Variants in AFF2 observed in about 807,000 individuals in gnomAD.
AFF2 encodes the protein AF4/FMR2 family member 2.
In AFF2, 14 loss-of-function variants were observed where a neutral mutation model predicts 76.9. The ratio of observed to expected loss-of-function variants is 0.18; its 90% CI spans 0.12 to 0.28. The LOEUF (loss-of-function observed/expected upper bound fraction) is 0.28, where lower values mean the gene tolerates loss of function less well. Among genes scored for constraint, AFF2 ranks in the 10% least tolerant of loss-of-function variants. AFF2 has a pLI of 1.00. For missense variants in AFF2, 868 were observed against 1,001.1 expected (o/e 0.87, Z 1.79); for synonymous variants, 398 against 366.7 (o/e 1.09, Z -0.98).
intron 3 of AFF2, among the ~76,000 whole-genome samples, chrX:148,752,267 A>G (rs1165761668): frequency 8.9e-6 from 1 of 111,943 alleles, no homozygotes; most frequent in Non-Finnish European, 1.9e-5. Context: ...AACAGAGCAA[A>G]CAAGTTATAA....
chrX:148,902,491 T>G (rs1417035664), intron 8 of AFF2, among the ~76,000 whole-genome samples: 1 of 111,845 alleles, frequency 8.9e-6, no homozygotes, highest in African/African-American at 3.3e-5. Context: ...AAAAGGCAGA[T>G]GTGAGTGTGC....
chrX:148,723,004 G>A (rs1235486812), intron 3 of AFF2, among the ~76,000 whole-genome samples: 4 of 111,304 alleles, frequency 3.6e-5, no homozygotes, highest in African/African-American at 1.3e-4. Flanking sequence ...TGCTTCATGA[G>A]TATAGGGCTG....
rs1438135578 is a variant in AFF2 at position 148,935,173 on chromosome X, TAC to T, written c.1398-18393_1398-18392del. ...TATCATTATTTTACATATATATATA[TAC>T]ACACACACACACATAATGGTGACAA... On this transcript the variant is annotated intron_variant, in intron 9 of 20. Transcript: ENST00000370460. 2.4e-4 allele frequency among the ~76,000 whole-genome samples: 26 copies of T among 108,426 alleles called. No individual in the cohort carries two copies. In the South Asian group the frequency reaches 2.8e-3, roughly 12 times the overall value. 94.2% of individuals were successfully genotyped at this position (108,426 alleles called of 115,157 possible).
chrX:148,844,376 A>C (rs1394825429), intron 7 of AFF2, among the ~76,000 whole-genome samples: 1 of 111,796 alleles, frequency 8.9e-6, no homozygotes, highest in African/African-American at 3.3e-5. Flanking sequence ...AGGGCCCTGC[A>C]ATTCATTCAG....
chrX:148,537,360 T>C (rs1402847683), intron 1 of AFF2, among the ~76,000 whole-genome samples: 1 of 111,347 alleles, frequency 9.0e-6, no homozygotes. Context: ...TATTAATAGG[T>C]ACAAACATTT....
At chrX:148,654,664 A>T (rs2054233919) in intron 2 of AFF2, among the ~76,000 whole-genome samples, 1 of 109,333 alleles carries the variant, frequency 9.1e-6, no homozygotes, top group African/African-American at 3.3e-5. Context: ...CAAGATGGAG[A>T]GCAGTTGAGG....
At chrX:148,751,281 T>C (rs986655113) in intron 3 of AFF2, among the ~76,000 whole-genome samples, 6 of 112,479 alleles carry the variant, frequency 5.3e-5, no homozygotes, top group African/African-American at 1.9e-4. Context: ...ATGCTAGATG[T>C]GGACTGCTGT....
chrX:148,887,202 A>G (rs572910526), intron 8 of AFF2, among the ~76,000 whole-genome samples: 4 of 112,905 alleles, frequency 3.5e-5, no homozygotes, highest in South Asian at 3.6e-4. Context: ...GCCTAAGCCA[A>G]TTTCACAACT....
chrX:148,933,390 C>T (rs180928487), intron 9 of AFF2, among the ~76,000 whole-genome samples: 5 of 111,499 alleles, frequency 4.5e-5, no homozygotes, highest in African/African-American at 9.8e-5. Context: ...GAGAGAATTT[C>T]GAGCAGAAGA....
rs1290001339 is a variant in AFF2 at position 148,674,783 on chromosome X, A to G, written c.1041+12015A>G. ...AAAAGGAAGCCAGCCCTATTATTTT[A>G]TCTAAGGAGAAGGTGGCCTAGGCCA... On this transcript the variant is annotated intron_variant, in intron 3 of 20. Coordinates refer to ENST00000370460, the MANE Select transcript of AFF2 (RefSeq NM_002025.4). Among the ~76,000 whole-genome samples, 6 of 112,285 alleles carry G rather than the reference A, an allele frequency of 5.3e-5. No homozygotes were observed. The East Asian group carries it at 1.7e-3, about 32-fold the overall frequency.
intron 4 of AFF2, among the ~76,000 whole-genome samples, chrX:148,837,075 C>A (rs2070535855): frequency 8.9e-6 from 1 of 111,755 alleles, no homozygotes; most frequent in Non-Finnish European, 1.9e-5. Flanking sequence ...ACAGTACTGT[C>A]CTCCCTTGAG....
chrX:148,925,717 G>C (rs782103722), intron 9 of AFF2, among the ~76,000 whole-genome samples: 1 of 111,912 alleles, frequency 8.9e-6, no homozygotes, highest in Non-Finnish European at 1.9e-5. Flanking sequence ...TGTGTAATGG[G>C]GATAATGATA....
chrX:148,560,129 G>T (rs1465699284), intron 1 of AFF2, among the ~76,000 whole-genome samples: 1 of 110,907 alleles, frequency 9.0e-6, no homozygotes, highest in African/African-American at 3.3e-5. Flanking sequence ...GGGGTTGTTT[G>T]TTTTTTTCTT....
intron 1 of AFF2, among the ~76,000 whole-genome samples, chrX:148,544,200 T>C (rs2052893694): frequency 8.9e-6 from 1 of 112,471 alleles, no homozygotes; most frequent in African/African-American, 3.2e-5. Flanking sequence ...GAATTCATTA[T>C]ATGGTTACAT....
At chrX:148,548,706 A>G (rs1468072593) in intron 1 of AFF2, among the ~76,000 whole-genome samples, 1 of 112,189 alleles carries the variant, frequency 8.9e-6, no homozygotes, top group Non-Finnish European at 1.9e-5. Context: ...AAGTGCTGGG[A>G]TTACAGGCGT....
chrX:148,928,775 T>C (rs2066796484), intron 9 of AFF2, among the ~76,000 whole-genome samples: 1 of 112,370 alleles, frequency 8.9e-6, no homozygotes, highest in Non-Finnish European at 1.9e-5. Flanking sequence ...GCAGTAATAA[T>C]TGCTGTCTAT....
intron 7 of AFF2, among the ~76,000 whole-genome samples, chrX:148,882,503 G>A (rs1458319758): frequency 1.8e-5 from 2 of 111,696 alleles, no homozygotes; most frequent in African/African-American, 6.5e-5. Context: ...AGGTCTAATT[G>A]GTTCTGTTTT....
intron 9 of AFF2, among the ~76,000 whole-genome samples, chrX:148,927,230 A>T (rs1184662256): frequency 8.9e-6 from 1 of 112,091 alleles, no homozygotes. Flanking sequence ...TTATTTAGAG[A>T]GAGGCAGGGA....
intron 1 of AFF2, among the ~76,000 whole-genome samples, chrX:148,554,733 C>T (rs781965601): frequency 3.6e-5 from 4 of 112,632 alleles, no homozygotes; most frequent in Admixed American, 2.8e-4. Context: ...CTGAATCTTC[C>T]ACCCAAACTG....
Sources: allele counts gnomAD v4.1 joint callset (sites outside exome capture counted in the v4.1 genomes callset), GRCh38; gene constraint gnomAD v4.1.1; transcripts MANE v1.5; gene names NCBI Gene and HGNC (gene_info 2026-07-23, HGNC 2026-07-21).